The following LAMA5 variants were observed in gnomAD, a reference collection of about 807,000 sequenced individuals.
LAMA5 encodes the protein laminin subunit alpha 5.
In LAMA5, 260 loss-of-function variants were observed where a neutral mutation model predicts 433.4. The observed-to-expected ratio is 0.60, with a 90% CI of 0.54 to 0.66. LAMA5 has a LOEUF of 0.66. Ranked by LOEUF, LAMA5 falls within the 30% of genes least tolerant of loss-of-function variation. The pLI is 0.00. For synonymous variants in LAMA5, 2,620 were observed against 2,226.6 expected, an observed-to-expected ratio of 1.18 and a Z score of -4.97; for missense variants, 5,378 against 5,258.5, an observed-to-expected ratio of 1.02 and a Z score of -0.70.
In LAMA5 at chr20:62,310,510, G is replaced by A. The variant is rs1324203652; in HGVS notation, c.10509C>T (p.Ala3503=). 1 of 1,555,420 alleles carries A rather than the reference G, an allele frequency of 6.4e-7. No homozygotes were observed. The change falls in exon 76 of 80, where the codon GCC becomes GCT. Residue 3503 remains alanine (A), a synonymous_variant. Transcript: ENST00000252999. Reference sequence around the variant, plus strand: ...GTGTGACCCCTGCCATCCGTGTGGGGGCCCCCAGGGGCCTCCCGTGCAGCC... The same window carrying A: ...GTGTGACCCCTGCCATCCGTGTGGGAGCCCCCAGGGGCCTCCCGTGCAGCC... The part of the protein sequence containing the change: ...RLRLHGRPLG[A]PTRMAGVTPC...
At chr20:62,335,466 A>C (rs1404499204) in intron 18 of LAMA5, among the ~76,000 whole-genome samples, 197 bp from the exon 19 acceptor site, 2 of 141,718 alleles carry the variant, frequency 1.4e-5, no homozygotes, top group Non-Finnish European at 3.0e-5. Flanking sequence ...CCTATACCCC[A>C]ACACTCCCTC....
In LAMA5 at chr20:62,311,988, TTCAGTCC is replaced by T; in HGVS notation, c.9560_9566del (p.Arg3187LysfsTer2). ...CGGCGAAGCCCGCTTGAGTTTTCAC[TTCAGTCC>T]TCAGGAGCTGTAGGCTCACACGGCC... is the stretch of plus-strand genomic sequence containing the variant. On this transcript the variant is annotated frameshift_variant, in exon 70 of 80. Coordinates refer to ENST00000252999, the MANE Select transcript of LAMA5 (RefSeq NM_005560.6). LOFTEE classifies it high-confidence loss of function. The T allele has an allele frequency of 6.2e-7, 1 of 1,612,722 alleles. No homozygotes were observed. The highest frequency in any genetic ancestry group is 2.2e-5 in the East Asian group (1 of 44,886).
intron 2 of LAMA5, among the ~76,000 whole-genome samples, chr20:62,361,207 A>C (rs1222000622): frequency 6.6e-6 from 1 of 151,934 alleles, no homozygotes; most frequent in Non-Finnish European, 1.5e-5. Context: ...AGATGCGGGG[A>C]AACCCAGTGA....
intron 1 of LAMA5, among the ~76,000 whole-genome samples, chr20:62,366,443 G>A (rs1257228953): frequency 6.6e-6 from 1 of 152,212 alleles, no homozygotes; most frequent in Non-Finnish European, 1.5e-5. Context: ...CTTCGCAGCT[G>A]GCCCTCCCCT....
chr20:62,317,589 C>T, intron 54 of LAMA5, 73 bp downstream of exon 54: 1 of 1,519,372 alleles, frequency 6.6e-7, no homozygotes, highest in Non-Finnish European at 8.9e-7. Context: ...AGTGTGCACA[C>T]AAAGCTGCCC....
At position 62,315,943 on chromosome 20, in the gene LAMA5, C is replaced by T. The variant is rs780257955; in HGVS notation, c.7867+5G>A. The stretch of plus-strand genomic sequence containing the variant: ...CTGCGAGAGCCGGGCCCAGGCTCCG[C>T]ATACCTGTGTCCATGGCAAGCATGG... On this transcript the variant is annotated splice_donor_5th_base_variant and intron_variant, in intron 58 of 79. Coordinates refer to ENST00000252999, the MANE Select transcript of LAMA5 (RefSeq NM_005560.6). The T allele has an allele frequency of 2.5e-6, 4 of 1,589,412 alleles. No homozygotes were observed. Among genetic ancestry groups the T allele is most frequent in the South Asian group, 1.1e-5 (1 of 88,668 alleles).
rs200278109 is a variant in LAMA5, at chr20:62,335,226, C to T, written c.2367G>A (p.Glu789=). 2.5e-4 allele frequency: 400 copies of T among 1,612,792 alleles called. 8 individuals carry two copies. The East Asian group carries it at 5.5e-3, about 22-fold the overall frequency. The part of the protein sequence containing the change: ...DLRGTLGGVA[E]CQPGTGQCFC... The stretch of plus-strand genomic sequence containing the variant: ...TGGTCCTCAGACTCACCGGCTGGCA[C>T]TCAGCAACTCCACCCAGTGTGCCCC... Residue 789 remains glutamate, a synonymous_variant, in exon 19 of 80, where the codon GAG becomes GAA. Coordinates refer to ENST00000252999, the MANE Select transcript of LAMA5 (RefSeq NM_005560.6).
In LAMA5 at chr20:62,312,060, G is replaced by C. The variant is rs766389875; in HGVS notation, c.9505-10C>G. The C allele has an allele frequency of 6.2e-7, 1 of 1,610,766 alleles. No individual in the cohort carries two copies. The highest frequency in any genetic ancestry group is 8.5e-7 in the Non-Finnish European group (1 of 1,178,654). On this transcript the variant is annotated splice_polypyrimidine_tract_variant and intron_variant, in intron 69 of 79. Transcript: ENST00000252999. ...CCTGGCATAGCCCATCCTGGGGACGGCAGCCAGGTCAGCCGGCCGGCCTGG... is the reference window on the plus strand; with the variant it reads ...CCTGGCATAGCCCATCCTGGGGACGCCAGCCAGGTCAGCCGGCCGGCCTGG...
At chr20:62,356,706 T>C (rs1490633017) in intron 2 of LAMA5, among the ~76,000 whole-genome samples, 2 of 152,056 alleles carry the variant, frequency 1.3e-5, no homozygotes, top group Non-Finnish European at 2.9e-5. Context: ...CCAGGCCGGC[T>C]CCAGGCTTCA....
intron 2 of LAMA5, among the ~76,000 whole-genome samples, chr20:62,354,520 T>G (rs1043719267): frequency 6.6e-6 from 1 of 151,876 alleles, no homozygotes; most frequent in Non-Finnish European, 1.5e-5. Context: ...TGAAACACCG[T>G]GGGGGTGGCT....
At chr20:62,341,015 G>A (rs1226396484) in intron 11 of LAMA5, among the ~76,000 whole-genome samples, 1 of 150,790 alleles carries the variant, frequency 6.6e-6, no homozygotes, top group African/African-American at 2.4e-5. Context: ...CGCCAGCCTG[G>A]GTGACAGAGT....
Position 62,327,505 on chromosome 20 carries a change from A to G in LAMA5, c.4938+24T>C, listed in dbSNP as rs767887911. 6 of 1,612,346 alleles carry G rather than the reference A, an allele frequency of 3.7e-6. No homozygotes were observed. In the African/African-American group the frequency reaches 4.0e-5, roughly 11 times the overall value. ...CACCTAAGACCTCCCCGAGAAGGCA[A>G]TGCCCTCAGTCCTGCAGGCGCACCT... On this transcript the variant is annotated intron_variant, in intron 37 of 79. Coordinates refer to ENST00000252999, the MANE Select transcript of LAMA5 (RefSeq NM_005560.6).
In LAMA5 at chr20:62,311,225, T is replaced by C. The variant is rs1350959822; in HGVS notation, c.10025A>G (p.Gln3342Arg). The change falls in exon 73 of 80, where the codon CAG becomes CGG. Residue 3342 changes from glutamine to arginine, a missense_variant. Physicochemically the swap from Gln to Arg is conservative, Grantham distance 43 (BLOSUM62 1). Coordinates refer to ENST00000252999, the MANE Select transcript of LAMA5 (RefSeq NM_005560.6). ...GTGACTGGACAGGGAACCCCCAAACTGGTAGGAGTCTCGGGTGGTCCTGAG... is the reference window on the plus strand; with the variant it reads ...GTGACTGGACAGGGAACCCCCAAACCGGTAGGAGTCTCGGGTGGTCCTGAG... ...PHLRTTRDSYQFGGSLSSHLE... is the reference protein window; with the variant it reads ...PHLRTTRDSYRFGGSLSSHLE... 1 of 1,609,804 alleles carries C rather than the reference T, an allele frequency of 6.2e-7. No homozygotes were observed. Among genetic ancestry groups the C allele is most frequent in the South Asian group, 1.1e-5 (1 of 90,824 alleles).
At chr20:62,320,233 G>A (rs561221183) in intron 50 of LAMA5, among the ~76,000 whole-genome samples, 81 of 144,252 alleles carry the variant, frequency 5.6e-4, no homozygotes, top group African/African-American at 2.0e-3. Flanking sequence ...CAGGAGAATC[G>A]CTTGAACCCG....
intron 37 of LAMA5, 46 bp from the exon 38 acceptor site, chr20:62,327,452 T>C (rs1408725542): frequency 6.2e-7 from 1 of 1,600,950 alleles, no homozygotes; most frequent in Non-Finnish European, 8.5e-7. Context: ...TGCCCACACA[T>C]CACAGGGCCC....
intron 32 of LAMA5, 134 bp from the exon 33 acceptor site, chr20:62,329,387 AGCCC>A: frequency 2.0e-6 from 1 of 497,372 alleles, no homozygotes; most frequent in East Asian, 3.5e-5. Context: ...AGCCCAGCCC[AGCCC>A]TGGGCCCTGG....
Position 62,320,564 on chromosome 20 carries a change from C to A in LAMA5, c.6754G>T (p.Gly2252Cys), listed in dbSNP as rs202167421. 1 of 1,592,428 alleles carries A rather than the reference C, an allele frequency of 6.3e-7. No homozygotes were observed. The highest frequency in any genetic ancestry group is 8.5e-7 in the Non-Finnish European group (1 of 1,175,532). The change falls in exon 50 of 80, where the codon GGC becomes TGC. Residue 2252 changes from glycine to cysteine, a missense_variant. Transcript: ENST00000252999. ...GGGGGTCTTGGGGCTCCTGCCTGGC[C>A]GCCTAGCCGCCGTGCGTCCTGCCCG... ...SLGQDARRLG[G>C]QAVGTRDQAS...
In LAMA5 at chr20:62,332,354, G is replaced by A. The variant is rs1980625469; in HGVS notation, c.3552+18C>T. Reference sequence around the variant, plus strand: ...AAAGAAGCTGACCCCTTGGGGTGGGGACCTGAGGGGTCCTTACCAGGAAGA... The same window carrying A: ...AAAGAAGCTGACCCCTTGGGGTGGGAACCTGAGGGGTCCTTACCAGGAAGA... On this transcript the variant is annotated intron_variant, in intron 28 of 79. Coordinates refer to ENST00000252999, the MANE Select transcript of LAMA5 (RefSeq NM_005560.6). 2 of 1,547,734 alleles carry A rather than the reference G, an allele frequency of 1.3e-6. No individual in the cohort carries two copies. The highest frequency in any genetic ancestry group is 1.8e-6 in the Non-Finnish European group (2 of 1,120,554).
rs193139487 is a variant in LAMA5, at chr20:62,309,223, C to T, written c.*113G>A. ...CTATAACTTAAACCATCTTCAGAAACAAGATCTGTCACCCGTAGAGCTTAG... is the reference window on the plus strand; with the variant it reads ...CTATAACTTAAACCATCTTCAGAAATAAGATCTGTCACCCGTAGAGCTTAG... On this transcript the variant is annotated 3_prime_UTR_variant, in exon 80 of 80. Transcript: ENST00000252999. 1.6e-3 allele frequency: 1,657 copies of T among 1,051,550 alleles called. 6 individuals carry two copies. The highest frequency in any genetic ancestry group is 7.7e-3 in the Middle Eastern group (24 of 3,120). 65.1% of individuals were successfully genotyped at this position (1,051,550 alleles called of 1,614,324 possible). A position where few individuals can be genotyped will look rare whatever the true frequency, so the allele number is the denominator to read the frequency against.
Sources: gnomAD v4.1 joint callset for allele counts (sites outside exome capture counted in the v4.1 genomes callset) on GRCh38, gnomAD v4.1.1 for gene constraint, MANE v1.5 for transcripts, NCBI Gene and HGNC (gene_info 2026-07-23, HGNC 2026-07-21) for gene names.